Variants in TMCC3 observed in about 807,000 individuals in gnomAD.
The protein encoded by TMCC3 is transmembrane and coiled-coil domain protein 3.
In TMCC3, 28 loss-of-function variants were observed where a neutral mutation model predicts 40.2. That is an observed-to-expected ratio of 0.70 (90% CI 0.52 to 0.95). TMCC3 has a LOEUF of 0.95. TMCC3 is among the 40% of genes least tolerant of loss of function. The pLI, the probability that TMCC3 is intolerant of heterozygous loss-of-function variation, is 0.00. For synonymous variants in TMCC3, 255 were observed against 248.5 expected (o/e 1.03, Z -0.25); for missense variants, 554 against 615.2 (o/e 0.90, Z 1.05).
intron 1 of TMCC3, among the ~76,000 whole-genome samples, chr12:94,610,310 G>C (rs2068807931): frequency 6.6e-6 from 1 of 151,924 alleles, no homozygotes; most frequent in Non-Finnish European, 1.5e-5. Flanking sequence ...CCAGTGTTTT[G>C]GTTACATATC....
Position 94,581,896 on chromosome 12 carries a change from C to A in TMCC3, c.721G>T (p.Gly241Cys). The A allele has an allele frequency of 6.2e-7, 1 of 1,614,230 alleles. No homozygotes were observed. The highest frequency in any genetic ancestry group is 1.1e-5 in the South Asian group (1 of 91,082). Residue 241 changes from glycine to cysteine, a missense_variant, in exon 2 of 4, where the codon GGC becomes TGC. Coordinates refer to ENST00000261226, the MANE Select transcript of TMCC3 (RefSeq NM_020698.4). Reference sequence around the variant, plus strand: ...GGTTTGTTCACGATGGTAGCGCTGCCCCCGTAGGCCCTGGCACTCGCCTCT... The same window carrying A: ...GGTTTGTTCACGATGGTAGCGCTGCACCCGTAGGCCCTGGCACTCGCCTCT... The part of the protein sequence containing the change: ...RPEASARAYG[G>C]SATIVNKPKY...
Position 94,592,661 on chromosome 12 carries a change from C to CAAACAAAAAAAAAAAAAAAAAAAAAAAA in TMCC3, c.79-10124_79-10123insTTTTTTTTTTTTTTTTTTTTTTTTGTTT, listed in dbSNP as rs1179258894. Among the ~76,000 whole-genome samples the CAAACAAAAAAAAAAAAAAAAAAAAAAAA allele has an allele frequency of 8.7e-4, 24 of 27,504 alleles. 1 individual carries two copies. The highest frequency in any genetic ancestry group is 1.6e-3 in the Admixed American group (3 of 1,904). The allele number at this position is 27,504 out of a possible 152,430, so 18.0% of individuals were successfully genotyped here. On this transcript the variant is annotated intron_variant, in intron 1 of 3. Transcript: ENST00000261226. ...TGAGCCTGGACAACAGGCTCCATCTCAAAAAAAAAAAAAAAAAAAAAATTC... is the reference window on the plus strand; with the variant it reads ...TGAGCCTGGACAACAGGCTCCATCTCAAACAAAAAAAAAAAAAAAAAAAAAAAAAAAAAAAAAAAAAAAAAAAAAATTC...
intron 1 of TMCC3, among the ~76,000 whole-genome samples, chr12:94,618,959 A>G (rs17022939): frequency 0.29 from 43,610 of 152,034 alleles, 6,613 homozygotes; most frequent in East Asian, 0.45. Flanking sequence ...AGATGGCCAC[A>G]TTAGATGGAA....
chr12:94,575,948 A>G (rs1233870491), intron 3 of TMCC3, among the ~76,000 whole-genome samples: 1 of 152,096 alleles, frequency 6.6e-6, no homozygotes, highest in Non-Finnish European at 1.5e-5. Context: ...GTCCAGCTAT[A>G]ATAATTAAAA....
intron 3 of TMCC3, among the ~76,000 whole-genome samples, chr12:94,575,337 TGC>T (rs759195617): frequency 3.9e-5 from 6 of 152,228 alleles, no homozygotes; most frequent in Non-Finnish European, 4.4e-5. Flanking sequence ...GTTTACTATG[TGC>T]CAGGCAAAGA....
chr12:94,597,124 C>CATACATACATATATATATATATATATAT (rs1491316794), intron 1 of TMCC3, among the ~76,000 whole-genome samples: 7 of 29,796 alleles, frequency 2.3e-4, no homozygotes, highest in Non-Finnish European at 4.8e-4. Flanking sequence ...TATTAAAATA[C>CATACATACATATATATATATATATATAT]ATATATATAT....
Position 94,570,800 on chromosome 12 carries a change from C to T in TMCC3, c.*635G>A, listed in dbSNP as rs1163009325. The T allele has an allele frequency of 6.5e-6, 1 of 152,738 alleles. No homozygotes were observed. Among genetic ancestry groups the T allele is most frequent in the Non-Finnish European group, 1.5e-5 (1 of 68,150 alleles). The allele number at this position is 152,738 out of a possible 1,614,324, so 9.5% of individuals were successfully genotyped here. On this transcript the variant is annotated 3_prime_UTR_variant, in exon 4 of 4. Coordinates refer to ENST00000261226, the MANE Select transcript of TMCC3 (RefSeq NM_020698.4). Reference sequence around the variant, plus strand: ...AAAGCCCCATTCATAAATCCCTATGCCTTCCCATTTAAAGTGTAACAAAAC... The same window carrying T: ...AAAGCCCCATTCATAAATCCCTATGTCTTCCCATTTAAAGTGTAACAAAAC...
chr12:94,646,179 G>A (rs2069016936), intron 1 of TMCC3, among the ~76,000 whole-genome samples: 1 of 152,138 alleles, frequency 6.6e-6, no homozygotes, highest in African/African-American at 2.4e-5. Context: ...TAAGGTGGGG[G>A]ATGATTGGGA....
chr12:94,634,005 G>A (rs1368054983), intron 1 of TMCC3, among the ~76,000 whole-genome samples: 1 of 150,844 alleles, frequency 6.6e-6, no homozygotes, highest in African/African-American at 2.4e-5. Context: ...GAGTACAATG[G>A]TGTGACCTCA....
intron 1 of TMCC3, among the ~76,000 whole-genome samples, chr12:94,592,498 G>C (rs1247909209): frequency 8.7e-5 from 13 of 149,318 alleles, no homozygotes; most frequent in Non-Finnish European, 3.0e-5. Flanking sequence ...AAAAAAATGA[G>C]CCGGGTGTGG....
At chr12:94,591,302 G>T (rs1017836274) in intron 1 of TMCC3, among the ~76,000 whole-genome samples, 18 of 152,010 alleles carry the variant, frequency 1.2e-4, no homozygotes, top group African/African-American at 4.3e-4. Context: ...AAGCTAAATG[G>T]CATTTTAACT....
In TMCC3 at chr12:94,582,107, G is replaced by A; in HGVS notation, c.510C>T (p.Ala170=). 1 of 1,614,114 alleles carries A rather than the reference G, an allele frequency of 6.2e-7. No homozygotes were observed. The highest frequency in any genetic ancestry group is 8.5e-7 in the Non-Finnish European group (1 of 1,180,026). Residue 170 remains alanine (A), a synonymous_variant, in exon 2 of 4, where the codon GCC becomes GCT. Transcript: ENST00000261226. ...LKDIHRSLKD[A]HVKSRTAPHC... is the part of the protein sequence containing the mutation. ...GGGGGGCAGTTCGAGATTTCACGTGGGCATCTTTCAAAGAGCGATGTATAT... is the reference window on the plus strand; with the variant it reads ...GGGGGGCAGTTCGAGATTTCACGTGAGCATCTTTCAAAGAGCGATGTATAT...
chr12:94,647,871 C>T (rs558402743), intron 1 of TMCC3, among the ~76,000 whole-genome samples: 1 of 152,136 alleles, frequency 6.6e-6, no homozygotes, highest in Non-Finnish European at 1.5e-5. Context: ...TTACATCAAC[C>T]CTGCTTGAGA....
chr12:94,589,846 G>C (rs1256868122), intron 1 of TMCC3, among the ~76,000 whole-genome samples: 1 of 152,182 alleles, frequency 6.6e-6, no homozygotes, highest in Non-Finnish European at 1.5e-5. Context: ...ATAATAAATA[G>C]CTTAGGTGGG....
chr12:94,618,708 TC>T (rs1452995341), intron 1 of TMCC3, among the ~76,000 whole-genome samples: 2 of 152,102 alleles, frequency 1.3e-5, no homozygotes, highest in African/African-American at 2.4e-5. Flanking sequence ...GGTTCTTGAT[TC>T]TCTAGGATGT....
At chr12:94,593,710 C>G (rs921303660) in intron 1 of TMCC3, among the ~76,000 whole-genome samples, 1 of 152,142 alleles carries the variant, frequency 6.6e-6, no homozygotes, top group African/African-American at 2.4e-5. Flanking sequence ...ATTATCTTCT[C>G]ATTAAGCCTC....
intron 1 of TMCC3, among the ~76,000 whole-genome samples, chr12:94,597,421 T>C (rs1008051212): frequency 1.3e-5 from 2 of 152,138 alleles, no homozygotes; most frequent in Non-Finnish European, 2.9e-5. Flanking sequence ...GTTGTAATTG[T>C]GGCAGACAAC....
intron 1 of TMCC3, chr12:94,609,763 T>C (rs1293545786): frequency 1.3e-5 from 2 of 152,248 alleles, no homozygotes; most frequent in Non-Finnish European, 2.9e-5. Flanking sequence ...CCAATCGCTC[T>C]CCATTTTTTC....
chr12:94,599,391 C>A (rs1277243125), intron 1 of TMCC3, among the ~76,000 whole-genome samples: 1 of 152,156 alleles, frequency 6.6e-6, no homozygotes, highest in African/African-American at 2.4e-5. Flanking sequence ...CCGCCGCCCC[C>A]ACATGCACGG....
Sources: gnomAD v4.1 joint callset for allele counts (sites outside exome capture counted in the v4.1 genomes callset) on GRCh38, gnomAD v4.1.1 for gene constraint, MANE v1.5 for transcripts, NCBI Gene and HGNC (gene_info 2026-07-23, HGNC 2026-07-21) for gene names.